SPMIP2: variants seen among roughly 807,000 people sequenced by gnomAD.
SPMIP2 encodes protein SPMIP2.
At chr4:159,061,620 C>T in the SPMIP2 span, among the ~76,000 whole-genome samples, 2 of 152,004 alleles carry the variant, frequency 1.3e-5, no homozygotes, top group African/African-American at 2.4e-5. Flanking sequence ...ACAGCCTGGC[C>T]AACATGGTGA....
the SPMIP2 span, among the ~76,000 whole-genome samples, chr4:158,990,135 A>G: frequency 0.32 from 48,770 of 152,190 alleles, 7,952 homozygotes; most frequent in South Asian, 0.37. Context: ...AAAGCTCATC[A>G]TCACTGGTCA....
the SPMIP2 span, among the ~76,000 whole-genome samples, chr4:159,033,057 G>A: frequency 0.46 from 69,952 of 151,994 alleles, 17,021 homozygotes; most frequent in African/African-American, 0.61. Context: ...GATGTCTTTC[G>A]ATAGGGGAAG....
chr4:158,963,217 C>T, the SPMIP2 span, among the ~76,000 whole-genome samples: 3 of 151,880 alleles, frequency 2.0e-5, no homozygotes, highest in African/African-American at 7.3e-5. Context: ...ATGCTAAGTG[C>T]TTTACACATG....
chr4:158,937,643 TTTC>T, the SPMIP2 span: 2 of 154,404 alleles, frequency 1.3e-5, no homozygotes, highest in African/African-American at 4.8e-5. Context: ...TTTCCATCTG[TTTC>T]TTCTGTCTTT....
At chr4:158,955,787 A>G in the SPMIP2 span, among the ~76,000 whole-genome samples, 2 of 152,244 alleles carry the variant, frequency 1.3e-5, no homozygotes, top group East Asian at 3.8e-4. Context: ...CATGGTATTT[A>G]TAAACAACTA....
the SPMIP2 span, among the ~76,000 whole-genome samples, chr4:158,932,303 G>GA: frequency 9.9e-5 from 15 of 151,964 alleles, no homozygotes; most frequent in Non-Finnish European, 1.8e-4. Flanking sequence ...CCATCTCTAT[G>GA]AAAAATACAA....
the SPMIP2 span, among the ~76,000 whole-genome samples, chr4:158,897,357 A>G: frequency 6.6e-6 from 1 of 152,232 alleles, no homozygotes; most frequent in Non-Finnish European, 1.5e-5. Flanking sequence ...GTATATACCC[A>G]GTAATGGGAT....
the SPMIP2 span, among the ~76,000 whole-genome samples, chr4:158,959,680 G>A: frequency 3.3e-5 from 5 of 152,256 alleles, no homozygotes; most frequent in South Asian, 6.2e-4. Flanking sequence ...TCTTGTAAGA[G>A]CAATGCTGAT....
At chr4:158,953,004 T>C in the SPMIP2 span, among the ~76,000 whole-genome samples, 1 of 152,156 alleles carries the variant, frequency 6.6e-6, no homozygotes, top group Admixed American at 6.5e-5. Flanking sequence ...AAACTGAGCA[T>C]AAAAGTTCAG....
At chr4:159,003,895 G>A in the SPMIP2 span, among the ~76,000 whole-genome samples, 1 of 152,114 alleles carries the variant, frequency 6.6e-6, no homozygotes, top group African/African-American at 2.4e-5. Context: ...ATGCTGATAG[G>A]GACAAGAACA....
the SPMIP2 span, among the ~76,000 whole-genome samples, chr4:158,916,615 GTACA>G: frequency 4.2e-5 from 5 of 120,024 alleles, no homozygotes; most frequent in African/African-American, 1.6e-4. Flanking sequence ...CTTTATGTAT[GTACA>G]TATGTATGTA....
At chr4:158,968,177 C>T in the SPMIP2 span, among the ~76,000 whole-genome samples, 2 of 152,028 alleles carry the variant, frequency 1.3e-5, no homozygotes, top group African/African-American at 4.8e-5. Context: ...TTACAGGCGC[C>T]CATCACCACG....
the SPMIP2 span, among the ~76,000 whole-genome samples, chr4:159,076,759 C>A: frequency 3.3e-5 from 5 of 152,250 alleles, no homozygotes; most frequent in African/African-American, 9.6e-5. Flanking sequence ...CCTCAAACTC[C>A]TGGGCTCAAA....
At chr4:158,971,212 G>C in the SPMIP2 span, among the ~76,000 whole-genome samples, 1 of 152,160 alleles carries the variant, frequency 6.6e-6, no homozygotes, top group African/African-American at 2.4e-5. Context: ...CTGTGTCCGA[G>C]AGCAGGACAT....
chr4:158,963,411 C>T, the SPMIP2 span, among the ~76,000 whole-genome samples: 1 of 152,160 alleles, frequency 6.6e-6, no homozygotes, highest in Non-Finnish European at 1.5e-5. Context: ...AAGGAATTCT[C>T]CCACCTCAGC....
chr4:159,042,209 C>A, the SPMIP2 span, among the ~76,000 whole-genome samples: 1 of 152,004 alleles, frequency 6.6e-6, no homozygotes, highest in Non-Finnish European at 1.5e-5. Context: ...TATAAAAAAT[C>A]AACCTCCTTT....
chr4:159,007,804 C>A, the SPMIP2 span: 1 of 570,876 alleles, frequency 1.8e-6, no homozygotes, highest in Non-Finnish European at 3.4e-6. Flanking sequence ...ATTGTCAACC[C>A]GAAGGGTGAA....
At chr4:158,910,706 C>T in the SPMIP2 span, among the ~76,000 whole-genome samples, 1 of 152,152 alleles carries the variant, frequency 6.6e-6, no homozygotes, top group African/African-American at 2.4e-5. Flanking sequence ...ACTGAAGATC[C>T]CCCAGGGAGA....
the SPMIP2 span, among the ~76,000 whole-genome samples, chr4:158,982,995 C>G: frequency 6.6e-6 from 1 of 151,936 alleles, no homozygotes; most frequent in South Asian, 2.1e-4. Flanking sequence ...AGCCAAGGCT[C>G]GAGAACTATG....
Sources: allele counts gnomAD v4.1 joint callset (sites outside exome capture counted in the v4.1 genomes callset), GRCh38; gene constraint gnomAD v4.1.1; transcripts MANE v1.5; gene names NCBI Gene and HGNC (gene_info 2026-07-23, HGNC 2026-07-21).